Variants in ROBO2 observed in about 807,000 individuals in gnomAD.
ROBO2 encodes roundabout homolog 2.
In ROBO2, 53 loss-of-function variants were observed where a neutral mutation model predicts 160.8. The observed-to-expected ratio is 0.33, with a 90% confidence interval of 0.26 to 0.41. The LOEUF (loss-of-function observed/expected upper bound fraction) is 0.41, where lower values mean the gene tolerates loss of function less well. ROBO2 is among the 10% of genes least tolerant of loss of function. The pLI is 1.00. For synonymous variants in ROBO2, 664 were observed against 611.7 expected (o/e 1.09, Z -1.26); for missense variants, 1,577 against 1,722.4 (o/e 0.92, Z 1.49).
intron 1 of ROBO2, among the ~76,000 whole-genome samples, chr3:77,063,717 A>G (rs1269909671): frequency 1.3e-5 from 2 of 152,198 alleles, no homozygotes; most frequent in Non-Finnish European, 2.9e-5. Flanking sequence ...TGTTTAATAA[A>G]TATTCGTTGA....
chr3:76,208,622 C>T (rs1178820388), intron 2 of ROBO2, among the ~76,000 whole-genome samples: 1 of 152,022 alleles, frequency 6.6e-6, no homozygotes, highest in Non-Finnish European at 1.5e-5. Flanking sequence ...AATAATCTGC[C>T]ACGTTGACTT....
intron 2 of ROBO2, among the ~76,000 whole-genome samples, chr3:76,685,045 C>G (rs946202528): frequency 2.4e-4 from 37 of 151,742 alleles, no homozygotes; most frequent in Non-Finnish European, 5.2e-4. Flanking sequence ...AAGGAAAAGT[C>G]TCTACATAGG....
At chr3:77,646,138 G>T in exon 26 of ROBO2, 2 of 1,006,692 alleles carry the variant, frequency 2.0e-6, no homozygotes, top group South Asian at 1.7e-5. Context: ...ACAGTGCAAT[G>T]AACAATTTAT....
rs1458603373 is a variant in ROBO2, at chr3:77,101,667, A to C, written c.388+3327A>C. ...AGGCAAGAAATGCTCATGCAAAAGG[A>C]TCAGTCTCAGGAGAGGTATCAGAGT... On this transcript the variant is annotated intron_variant, in intron 2 of 25. Coordinates refer to ENST00000461745, the Ensembl canonical transcript of ROBO2. Among the ~76,000 whole-genome samples, 3 of 152,310 alleles carry C rather than the reference A, an allele frequency of 2.0e-5. No individual in the cohort carries two copies. In the East Asian group the frequency reaches 5.8e-4, roughly 29 times the overall value.
At chr3:77,590,573 A>G (rs905545168) in intron 17 of ROBO2, among the ~76,000 whole-genome samples, 3 of 152,150 alleles carry the variant, frequency 2.0e-5, no homozygotes, top group Non-Finnish European at 4.4e-5. Flanking sequence ...GATTTAATTC[A>G]TGGACTATTT....
chr3:77,200,184 A>G (rs1022957404), intron 2 of ROBO2, among the ~76,000 whole-genome samples: 2 of 147,032 alleles, frequency 1.4e-5, no homozygotes, highest in South Asian at 2.1e-4. Flanking sequence ...CCTTCTAACA[A>G]TGTTTTTCCA....
intron 2 of ROBO2, among the ~76,000 whole-genome samples, chr3:76,858,656 C>A (rs562292431): frequency 1.3e-5 from 2 of 152,156 alleles, no homozygotes; most frequent in Admixed American, 1.3e-4. Flanking sequence ...AAAGGCCCTG[C>A]CCAGCCAGAC....
chr3:76,139,583 G>C (rs1043330143), intron 2 of ROBO2, among the ~76,000 whole-genome samples: 1 of 151,970 alleles, frequency 6.6e-6, no homozygotes, highest in South Asian at 2.1e-4. Context: ...ATTCATCTTC[G>C]TCCTCCAGGA....
intron 2 of ROBO2, among the ~76,000 whole-genome samples, chr3:77,398,724 G>A (rs2153508177): frequency 6.6e-6 from 1 of 152,074 alleles, no homozygotes; most frequent in East Asian, 1.9e-4. Context: ...TGGGACTGCA[G>A]GCATACATCA....
At chr3:76,963,359 T>C (rs1246439697) in intron 2 of ROBO2, among the ~76,000 whole-genome samples, 2 of 152,134 alleles carry the variant, frequency 1.3e-5, no homozygotes. Context: ...ACAGAAATAA[T>C]TTTAAATGAA....
intron 2 of ROBO2, among the ~76,000 whole-genome samples, chr3:76,398,506 C>G (rs921997251): frequency 6.6e-6 from 1 of 151,252 alleles, no homozygotes; most frequent in African/African-American, 2.4e-5. Context: ...AGAAAAAATT[C>G]AAGCTGTATG....
intron 2 of ROBO2, among the ~76,000 whole-genome samples, chr3:75,985,140 G>T (rs546015117): frequency 4.6e-5 from 7 of 151,290 alleles, no homozygotes; most frequent in Non-Finnish European, 8.9e-5. Flanking sequence ...CCATCCTTAT[G>T]CATTGTATCT....
At position 77,303,809 on chromosome 3, in the gene ROBO2, A is replaced by G. The variant is rs541644811; in HGVS notation, c.389-173605A>G. On this transcript the variant is annotated intron_variant, in intron 2 of 25. Coordinates refer to ENST00000461745, the Ensembl canonical transcript of ROBO2. ...AAATATTTTATATACATATATATAC[A>G]TATATATATGCAAGTGCTAGGGATA... Among the ~76,000 whole-genome samples, 3 of 151,966 alleles carry G rather than the reference A, an allele frequency of 2.0e-5. No individual in the cohort carries two copies. In the South Asian group the frequency reaches 6.2e-4, roughly 32 times the overall value.
intron 2 of ROBO2, among the ~76,000 whole-genome samples, chr3:77,362,940 A>G (rs754522947): frequency 1.3e-5 from 2 of 152,104 alleles, no homozygotes; most frequent in African/African-American, 2.4e-5. Context: ...CCCAAGATTC[A>G]ATTACCTCCC....
chr3:75,987,243 T>A (rs1273243219), intron 2 of ROBO2, among the ~76,000 whole-genome samples: 1 of 152,024 alleles, frequency 6.6e-6, no homozygotes, highest in African/African-American at 2.4e-5. Flanking sequence ...GTTTTCATTT[T>A]ACAAGTCTTT....
chr3:77,057,666 G>C (rs1395435765), intron 1 of ROBO2, among the ~76,000 whole-genome samples: 1 of 141,578 alleles, frequency 7.1e-6, no homozygotes, highest in African/African-American at 2.6e-5. Context: ...TGCCTCCTTG[G>C]TTCAAGTGAT....
rs910975278 is a variant in ROBO2 at position 76,080,872 on chromosome 3, A to G, written c.109+143270A>G. Among the ~76,000 whole-genome samples the G allele has an allele frequency of 9.2e-5, 14 of 152,250 alleles. No individual in the cohort carries two copies. In the East Asian group the frequency reaches 1.7e-3, roughly 19 times the overall value. On this transcript the variant is annotated intron_variant, in intron 2 of 26. Transcript: ENST00000487694. Reference sequence around the variant, plus strand: ...CCATATTTAAAGCATTCTTAAAACTATTTTTAATCCTTGATTTTGCCAGTA... The same window carrying G: ...CCATATTTAAAGCATTCTTAAAACTGTTTTTAATCCTTGATTTTGCCAGTA...
chr3:76,740,851 T>C (rs985661160), intron 2 of ROBO2, among the ~76,000 whole-genome samples: 2 of 152,150 alleles, frequency 1.3e-5, no homozygotes, highest in Non-Finnish European at 2.9e-5. Flanking sequence ...TTGAATTTTT[T>C]AAAAGCTAAT....
rs547807116 is a variant in ROBO2, at chr3:76,283,136, G to GTATATATATATATATA, written c.109+345535_109+345550dup. Among the ~76,000 whole-genome samples the GTATATATATATATATA allele has an allele frequency of 8.3e-3, 530 of 63,536 alleles. 45 individuals carry two copies. Among genetic ancestry groups the GTATATATATATATATA allele is most frequent in the East Asian group, 0.055 (70 of 1,276 alleles). 41.7% of individuals were successfully genotyped at this position (63,536 alleles called of 152,430 possible). On this transcript the variant is annotated intron_variant, in intron 2 of 26. Transcript: ENST00000487694. ...GTTATATATGTATATATATAAAACT[G>GTATATATATATATATA]TATATATATATATATAAAACTACAT...
Sources: allele counts gnomAD v4.1 joint callset (sites outside exome capture counted in the v4.1 genomes callset), GRCh38; gene constraint gnomAD v4.1.1; transcripts MANE v1.5; gene names NCBI Gene and HGNC (gene_info 2026-07-23, HGNC 2026-07-21).